The following IL12RB2 variants were observed in gnomAD, a reference collection of about 807,000 sequenced individuals.
IL12RB2 encodes interleukin 12 receptor subunit beta 2.
A neutral mutation model predicts 89.4 loss-of-function variants in IL12RB2; 82 were observed. The observed-to-expected ratio is 0.92, with a 90% CI of 0.77 to 1.10. The LOEUF (loss-of-function observed/expected upper bound fraction) is 1.10, where lower values mean the gene tolerates loss of function less well. IL12RB2 is among the 50% of genes least tolerant of loss of function. The pLI, the probability that IL12RB2 is intolerant of heterozygous loss-of-function variation, is 0.00. For missense variants in IL12RB2, 963 were observed against 1,031.9 expected, an observed-to-expected ratio of 0.93 and a Z score of 0.92; for synonymous variants, 368 against 370.1, an observed-to-expected ratio of 0.99 and a Z score of 0.07.
rs1050000456 is a variant in IL12RB2, at chr1:67,398,359, T to A, written c.*2270T>A. Among the ~76,000 whole-genome samples, 6 of 152,048 alleles carry A rather than the reference T, an allele frequency of 3.9e-5. No homozygotes were observed. The highest frequency in any genetic ancestry group is 5.9e-5 in the Non-Finnish European group (4 of 68,022). On this transcript the variant is annotated 3_prime_UTR_variant, in exon 17 of 17. Coordinates refer to ENST00000674203, the MANE Select transcript of IL12RB2 (RefSeq NM_001374259.2). Reference sequence around the variant, plus strand: ...TTCCTATCTTTGGTTTCCTTTTGATTATCTCTCATCCATCTCAGCCACTAT... The same window carrying A: ...TTCCTATCTTTGGTTTCCTTTTGATAATCTCTCATCCATCTCAGCCACTAT...
At chr1:67,323,352 T>C (rs1033272746) in intron 4 of IL12RB2, among the ~76,000 whole-genome samples, 2 of 152,252 alleles carry the variant, frequency 1.3e-5, no homozygotes, top group Admixed American at 6.5e-5. Flanking sequence ...AGAAGTAGCA[T>C]GGGCTTTGAA....
At position 67,395,914 on chromosome 1, in the gene IL12RB2, T is replaced by C. The variant is rs1197222682; in HGVS notation, c.2414T>C (p.Ile805Thr). ...PTHDGYLPSN[I>T]DDLPSHEAPL... The stretch of plus-strand genomic sequence containing the variant: ...CATGATGGCTACTTACCCTCCAACA[T>C]AGATGACCTCCCCTCACATGAGGCA... Residue 805 changes from isoleucine to threonine, a missense_variant, in exon 17 of 17, where the codon ATA becomes ACA. Coordinates refer to ENST00000674203, the MANE Select transcript of IL12RB2 (RefSeq NM_001374259.2). 4 of 1,611,180 alleles carry C rather than the reference T, an allele frequency of 2.5e-6. No homozygotes were observed. The highest frequency in any genetic ancestry group is 1.7e-5 in the Admixed American group (1 of 59,980).
chr1:67,386,872 T>TCATA (rs1557476281), intron 15 of IL12RB2, among the ~76,000 whole-genome samples: 1 of 48,436 alleles, frequency 2.1e-5, no homozygotes, highest in African/African-American at 6.4e-5. Flanking sequence ...GAAATGTATT[T>TCATA]TATATATATA....
intron 13 of IL12RB2, among the ~76,000 whole-genome samples, chr1:67,375,491 A>G (rs1231532812): frequency 6.6e-6 from 1 of 152,224 alleles, no homozygotes; most frequent in Non-Finnish European, 1.5e-5. Context: ...ACCAGAAATC[A>G]TTGGTGAATT....
chr1:67,394,501 G>A (rs1352079836), intron 16 of IL12RB2, among the ~76,000 whole-genome samples: 2 of 152,100 alleles, frequency 1.3e-5, no homozygotes, highest in Non-Finnish European at 2.9e-5. Flanking sequence ...AGTAACAAAA[G>A]TATAAGCTAA....
intron 14 of IL12RB2, among the ~76,000 whole-genome samples, chr1:67,380,861 A>G (rs1664496971): frequency 6.6e-6 from 1 of 152,096 alleles, no homozygotes; most frequent in Non-Finnish European, 1.5e-5. Context: ...TCCTTCTTAT[A>G]AGGACACCAG....
At chr1:67,317,659 G>A (rs558616949) in intron 2 of IL12RB2, among the ~76,000 whole-genome samples, 3 of 152,152 alleles carry the variant, frequency 2.0e-5, no homozygotes, top group African/African-American at 4.8e-5. Flanking sequence ...TGGGAATTAG[G>A]GCATGGACAT....
At chr1:67,316,421 AGTGTGTGTGTGT>A (rs71062410) in intron 2 of IL12RB2, among the ~76,000 whole-genome samples, 3 of 146,148 alleles carry the variant, frequency 2.1e-5, no homozygotes, top group African/African-American at 7.6e-5. Flanking sequence ...TCCCCAGAGT[AGTGTGTGTGTGT>A]GTGTGTGTGT....
intron 11 of IL12RB2, among the ~76,000 whole-genome samples, chr1:67,370,390 C>T (rs147813079): frequency 2.6e-5 from 4 of 152,284 alleles, no homozygotes; most frequent in Non-Finnish European, 5.9e-5. Context: ...TAGAGCCACT[C>T]CTTTTACAAA....
At chr1:67,322,029 A>G (rs1656610057) in intron 4 of IL12RB2, 140 bp downstream of exon 4, 2 of 773,502 alleles carry the variant, frequency 2.6e-6, no homozygotes, top group Admixed American at 1.9e-5. Flanking sequence ...TTATCTTGAT[A>G]CCGACCTGAG....
intron 10 of IL12RB2, among the ~76,000 whole-genome samples, chr1:67,355,360 G>C (rs1201452909): frequency 6.8e-6 from 1 of 147,954 alleles, no homozygotes; most frequent in Non-Finnish European, 1.5e-5. Flanking sequence ...ATTGCAGTGA[G>C]CCAAGATCAT....
intron 10 of IL12RB2, among the ~76,000 whole-genome samples, chr1:67,362,222 A>T (rs1419102992): frequency 6.7e-6 from 1 of 149,674 alleles, no homozygotes; most frequent in African/African-American, 2.5e-5. Context: ...AGTGAGCCAA[A>T]ATCACGCCAC....
At chr1:67,391,065 C>T (rs1332661166) in intron 16 of IL12RB2, among the ~76,000 whole-genome samples, 1 of 152,118 alleles carries the variant, frequency 6.6e-6, no homozygotes, top group Non-Finnish European at 1.5e-5. Context: ...AGTTTAGTGC[C>T]TTTGAAATCA....
intron 16 of IL12RB2, among the ~76,000 whole-genome samples, chr1:67,393,179 G>A (rs1434511406): frequency 6.6e-6 from 1 of 152,116 alleles, no homozygotes; most frequent in Non-Finnish European, 1.5e-5. Context: ...TGTGCTTTGA[G>A]CTATCAGGCC....
intron 11 of IL12RB2, among the ~76,000 whole-genome samples, chr1:67,368,978 C>T (rs1242354345): frequency 6.6e-6 from 1 of 152,134 alleles, no homozygotes; most frequent in Non-Finnish European, 1.5e-5. Context: ...AGCTCTAAAT[C>T]CTATAATGTT....
intron 9 of IL12RB2, among the ~76,000 whole-genome samples, chr1:67,345,463 C>A (rs1480396014): frequency 1.3e-5 from 2 of 152,278 alleles, no homozygotes; most frequent in East Asian, 1.9e-4. Context: ...GTGATGAATT[C>A]TTTGGCCTCC....
chr1:67,376,701 T>C (rs1297880105), intron 13 of IL12RB2, among the ~76,000 whole-genome samples: 1 of 87,010 alleles, frequency 1.1e-5, no homozygotes, highest in African/African-American at 3.4e-5. Context: ...CTAATATGTG[T>C]GCGTGTGTGT....
intron 5 of IL12RB2, among the ~76,000 whole-genome samples, chr1:67,327,684 A>G (rs1467374301): frequency 6.6e-6 from 1 of 152,168 alleles, no homozygotes; most frequent in African/African-American, 2.4e-5. Flanking sequence ...GATCCAGCTG[A>G]TTTGTGCTAT....
chr1:67,325,671 C>T (rs1348028762), intron 4 of IL12RB2, among the ~76,000 whole-genome samples: 2 of 152,228 alleles, frequency 1.3e-5, no homozygotes, highest in African/African-American at 4.8e-5. Context: ...TGTCCAAGGT[C>T]ACACAGTGGG....
Sources: gnomAD v4.1 joint callset for allele counts (sites outside exome capture counted in the v4.1 genomes callset) on GRCh38, gnomAD v4.1.1 for gene constraint, MANE v1.5 for transcripts, NCBI Gene and HGNC (gene_info 2026-07-23, HGNC 2026-07-21) for gene names.